Variants in CBX2 observed in about 807,000 individuals in gnomAD.
CBX2 encodes the protein chromobox protein homolog 2.
Under a neutral mutation model 21.0 loss-of-function variants are expected in CBX2, and 11 were observed. The observed-to-expected ratio is 0.52, with a 90% confidence interval of 0.33 to 0.87. The LOEUF (loss-of-function observed/expected upper bound fraction) is 0.87, where lower values mean the gene tolerates loss of function less well. Ranked by LOEUF, CBX2 falls within the 40% of genes least tolerant of loss-of-function variation. CBX2 has a pLI of 0.02. For missense variants in CBX2, 746 were observed against 724.3 expected (o/e 1.03, Z -0.34); for synonymous variants, 364 against 304.6 (o/e 1.19, Z -2.03).
chr17:79,779,018 C>T (rs983930891), intron 2 of CBX2, among the ~76,000 whole-genome samples: 2 of 152,200 alleles, frequency 1.3e-5, no homozygotes, highest in Non-Finnish European at 2.9e-5. Flanking sequence ...CCTTCCTCCT[C>T]TGGCTCCGGG....
chr17:79,778,562 G>T lies in CBX2; in HGVS notation c.116+135G>T. ...CGGGAAGTTCGCGGGGTCCCCGCGGGCTCCTCCGGCTCTGAGGGGGGCGGG... is the reference window on the plus strand; with the variant it reads ...CGGGAAGTTCGCGGGGTCCCCGCGGTCTCCTCCGGCTCTGAGGGGGGCGGG... On this transcript the variant is annotated intron_variant, in intron 2 of 4. Transcript: ENST00000310942. The surrounding 1 kb of genome is among the most constrained non-coding windows in gnomAD (Gnocchi z 4.8). 4.1e-6 allele frequency: 2 copies of T among 485,256 alleles called. No individual in the cohort carries two copies. The highest frequency in any genetic ancestry group is 6.8e-6 in the Non-Finnish European group (2 of 293,104). 30.1% of individuals were successfully genotyped at this position (485,256 alleles called of 1,614,324 possible). A position where few individuals can be genotyped will look rare whatever the true frequency, so the allele number is the denominator to read the frequency against.
rs2145834238 is a variant in CBX2, at chr17:79,787,645, T to C, written c.*2603T>C. 1 of 152,464 alleles carries C rather than the reference T, an allele frequency of 6.6e-6. No homozygotes were observed. The highest frequency in any genetic ancestry group is 2.4e-5 in the African/African-American group (1 of 41,574). 9.4% of individuals were successfully genotyped at this position (152,464 alleles called of 1,614,324 possible). A position where few individuals can be genotyped will look rare whatever the true frequency, so the allele number is the denominator to read the frequency against. On this transcript the variant is annotated 3_prime_UTR_variant, in exon 5 of 5. Transcript: ENST00000310942. ...CACTTCTGACGATGCATTGTTGCTT[T>C]TTTCCCGAAGGTCCCGCAGGAACTG... is the stretch of plus-strand genomic sequence containing the variant.
chr17:79,781,168 T>A (rs1292528181), intron 3 of CBX2, among the ~76,000 whole-genome samples: 1 of 152,074 alleles, frequency 6.6e-6, no homozygotes, highest in Non-Finnish European at 1.5e-5. Context: ...GAGGTATTTT[T>A]AAAAAGGAAA....
chr17:79,781,899 G>A, intron 4 of CBX2, 98 bp downstream of exon 4: 1 of 1,614,176 alleles, frequency 6.2e-7, no homozygotes, highest in Non-Finnish European at 8.5e-7. Context: ...GGAAGGGGGT[G>A]GCACTTCTGC....
rs1907420788 is a variant in CBX2 at position 79,783,879 on chromosome 17, A to G, written c.436A>G (p.Lys146Glu). The G allele has an allele frequency of 1.2e-6, 2 of 1,614,040 alleles. No individual in the cohort carries two copies. The highest frequency in any genetic ancestry group is 1.1e-5 in the South Asian group (1 of 91,086). Reference sequence around the variant, plus strand: ...CGAGACCCACCCAGTGCCGCAGAAGAAGGCCCAGATCCTGGTGGCCAAACC... The same window carrying G: ...CGAGACCCACCCAGTGCCGCAGAAGGAGGCCCAGATCCTGGTGGCCAAACC... Reference protein sequence around the residue: ...GRETHPVPQKKAQILVAKPEL... With the variant: ...GRETHPVPQKEAQILVAKPEL... The change falls in exon 5 of 5, where the codon AAG becomes GAG. Residue 146 changes from lysine (K) to glutamate (E), a missense_variant. Lys to Glu is a moderately conservative substitution (Grantham distance 56). This residue lies in a region of CBX2 where 701 missense variants were observed against 650.7 expected (regional missense o/e 1.08). Coordinates refer to ENST00000310942, the MANE Select transcript of CBX2 (RefSeq NM_005189.3).
chr17:79,779,678 C>T (rs1306644846), intron 3 of CBX2: 6 of 544,246 alleles, frequency 1.1e-5, no homozygotes, highest in South Asian at 4.5e-5. Flanking sequence ...TTGGTGTTTC[C>T]GACAGCCATA....
Position 79,786,378 on chromosome 17 carries a change from A to T in CBX2, c.*1336A>T, listed in dbSNP as rs148096541. 7.2e-5 allele frequency: 11 copies of T among 152,736 alleles called. No homozygotes were observed. Among genetic ancestry groups the T allele is most frequent in the African/African-American group, 2.6e-4 (11 of 41,540 alleles). 9.5% of individuals were successfully genotyped at this position (152,736 alleles called of 1,614,324 possible). A position where few individuals can be genotyped will look rare whatever the true frequency, so the allele number is the denominator to read the frequency against. ...CCAGCTGAAAAACTAGACCTGTGCC[A>T]TTGGGGAAGCTGGACAAAGTCTAGG... On this transcript the variant is annotated 3_prime_UTR_variant, in exon 5 of 5. Coordinates refer to ENST00000310942, the MANE Select transcript of CBX2 (RefSeq NM_005189.3).
At chr17:79,782,072 A>G (rs782603513) in intron 4 of CBX2, 19 of 1,613,660 alleles carry the variant, frequency 1.2e-5, no homozygotes, top group Non-Finnish European at 1.5e-5. Context: ...GGCAGGGTCA[A>G]ACTGCTGCAG....
intron 4 of CBX2, chr17:79,782,357 A>T (rs1285173886): frequency 2.1e-6 from 3 of 1,448,554 alleles, no homozygotes; most frequent in Non-Finnish European, 2.7e-6. Context: ...CTGTCCTGTC[A>T]CCCCTCCTCG....
rs1555829440 is a variant in CBX2 at position 79,778,386 on chromosome 17, C to T, written c.75C>T (p.Gly25=). The T allele has an allele frequency of 6.3e-7, 1 of 1,582,400 alleles. No individual in the cohort carries two copies. The highest frequency in any genetic ancestry group is 1.1e-5 in the South Asian group (1 of 88,540). The stretch of plus-strand genomic sequence containing the variant: ...CGGCCCCTCTTCTCTCCCCGCAGGG[C>T]AAGCTGGAGTACCTGGTCAAGTGGC... ...ECILSKRLRK[G]KLEYLVKWRG... The change falls in exon 2 of 5, where the codon GGC becomes GGT. Residue 25 remains glycine, a splice_region_variant and synonymous_variant. Transcript: ENST00000310942. The surrounding 1 kb of genome is among the most constrained non-coding windows in gnomAD (Gnocchi z 4.8).
In CBX2 at chr17:79,781,813, C is replaced by G; in HGVS notation, c.288+12C>G. On this transcript the variant is annotated intron_variant, in intron 4 of 4. Transcript: ENST00000310942. ...GCTCCAAGCTCAAGGTGGGTGGCTGCGCTGGGTATGCTGACCCCACCTCCC... is the reference window on the plus strand; with the variant it reads ...GCTCCAAGCTCAAGGTGGGTGGCTGGGCTGGGTATGCTGACCCCACCTCCC... 6.2e-7 allele frequency: 1 copy of G among 1,614,016 alleles called. No homozygotes were observed. The highest frequency in any genetic ancestry group is 1.1e-5 in the South Asian group (1 of 91,086).
At position 79,781,730 on chromosome 17, in the gene CBX2, G is replaced by C; in HGVS notation, c.217G>C (p.Gly73Arg). The C allele has an allele frequency of 1.2e-6, 2 of 1,614,094 alleles. No individual in the cohort carries two copies. Among genetic ancestry groups the C allele is most frequent in the South Asian group, 1.1e-5 (1 of 91,090 alleles). Reference protein sequence around the residue: ...HEKEVQNRKRGKRPRGRPRKL... With the variant: ...HEKEVQNRKRRKRPRGRPRKL... ...GAAGGAGGTGCAGAACCGGAAGAGAGGCAAGAGGCCGAGAGGCCGGCCAAG... is the reference window on the plus strand; with the variant it reads ...GAAGGAGGTGCAGAACCGGAAGAGACGCAAGAGGCCGAGAGGCCGGCCAAG... The change falls in exon 4 of 5, where the codon GGC becomes CGC. Residue 73 changes from glycine to arginine, a missense_variant. Gly to Arg is a moderately radical substitution (Grantham distance 125). Coordinates refer to ENST00000310942, the MANE Select transcript of CBX2 (RefSeq NM_005189.3).
In CBX2 at chr17:79,778,422, C is replaced by T. The variant is rs782673101; in HGVS notation, c.111C>T (p.Ser37=). The stretch of plus-strand genomic sequence containing the variant: ...ACCTGGTCAAGTGGCGCGGCTGGTC[C>T]TCCAAGTGAGTCCCCCGCGACGCCG... ...LEYLVKWRGW[S]SKHNSWEPEE... Residue 37 remains serine (S), a synonymous_variant, in exon 2 of 5, where the codon TCC becomes TCT. Coordinates refer to ENST00000310942, the MANE Select transcript of CBX2 (RefSeq NM_005189.3). This position sits in a 1 kb window ranked among gnomAD's most constrained non-coding sequence, Gnocchi z 4.8. 7 of 1,559,628 alleles carry T rather than the reference C, an allele frequency of 4.5e-6. No homozygotes were observed. Among genetic ancestry groups the T allele is most frequent in the Non-Finnish European group, 5.2e-6 (6 of 1,159,284 alleles).
chr17:79,778,202 GCGGGCGCCGCGGT>G lies in CBX2; in HGVS notation c.-28_-16del. 1 of 1,276,882 alleles carries G rather than the reference GCGGGCGCCGCGGT, an allele frequency of 7.8e-7. No homozygotes were observed. Among genetic ancestry groups the G allele is most frequent in the Non-Finnish European group, 9.9e-7 (1 of 1,008,250 alleles). 79.1% of individuals were successfully genotyped at this position (1,276,882 alleles called of 1,614,324 possible). On this transcript the variant is annotated 5_prime_UTR_variant, in exon 1 of 5. Transcript: ENST00000310942. This position sits in a 1 kb window ranked among gnomAD's most constrained non-coding sequence, Gnocchi z 4.8. ...CGGCGGTCCGGGCGGGTGACTGGCG[GCGGGCGCCGCGGT>G]CGGGCTGGCTGCCGGGCAGCATGGA...
In CBX2 at chr17:79,785,096, C is replaced by G; in HGVS notation, c.*54C>G. The G allele has an allele frequency of 6.7e-7, 1 of 1,490,314 alleles. No homozygotes were observed. The highest frequency in any genetic ancestry group is 1.1e-5 in the South Asian group (1 of 88,614). The allele number at this position is 1,490,314 out of a possible 1,614,324, so 92.3% of individuals were successfully genotyped here. On this transcript the variant is annotated 3_prime_UTR_variant, in exon 5 of 5. Transcript: ENST00000310942. ...TACTCCCCTTCCCTGCCTATGGTGT[C>G]GCTTGGCTAAGTGACTCCCAGCCCA...
At position 79,786,349 on chromosome 17, in the gene CBX2, C is replaced by CT. The variant is rs1291667307; in HGVS notation, c.*1310dup. On this transcript the variant is annotated 3_prime_UTR_variant, in exon 5 of 5. Coordinates refer to ENST00000310942, the MANE Select transcript of CBX2 (RefSeq NM_005189.3). ...CCTTTAGGGGTTCCCTGCTTGGCTC[C>CT]TTTCCAGCTGAAAAACTAGACCTGT... The CT allele has an allele frequency of 6.5e-6, 1 of 152,722 alleles. No homozygotes were observed. Among genetic ancestry groups the CT allele is most frequent in the East Asian group, 1.9e-4 (1 of 5,204 alleles). The allele number at this position is 152,722 out of a possible 1,614,324, so 9.5% of individuals were successfully genotyped here.
At chr17:79,782,371 C>T in intron 4 of CBX2, 1 of 1,424,690 alleles carries the variant, frequency 7.0e-7, no homozygotes, top group Non-Finnish European at 9.2e-7. Context: ...CTCCTCGCTA[C>T]AGTGATGGGC....
chr17:79,779,980 G>A (rs139968279), intron 3 of CBX2, among the ~76,000 whole-genome samples: 15 of 152,372 alleles, frequency 9.8e-5, no homozygotes, highest in African/African-American at 3.4e-4. Flanking sequence ...AGCACCATGA[G>A]GCCGGATTGG....
upstream of CBX2, among the ~76,000 whole-genome samples, chr17:79,777,341 C>T (rs995113070): frequency 7.2e-5 from 11 of 152,220 alleles, no homozygotes; most frequent in African/African-American, 2.7e-4. Flanking sequence ...CAAACCGCCC[C>T]CTCCCCCTCC....
Sources: gnomAD v4.1 joint callset for allele counts (sites outside exome capture counted in the v4.1 genomes callset) on GRCh38, gnomAD v4.1.1 for gene constraint, gnomAD v4.1.1 regional missense constraint, Gnocchi (gnomAD v3.1) non-coding constraint, MANE v1.5 for transcripts, NCBI Gene and HGNC (gene_info 2026-07-23, HGNC 2026-07-21) for gene names.